The following PTPRM variants were observed in gnomAD, a reference collection of about 807,000 sequenced individuals.
PTPRM encodes protein tyrosine phosphatase receptor type M, also known as receptor-type tyrosine-protein phosphatase mu.
PTPRM carries 47 observed loss-of-function variants against 186.7 expected under a neutral mutation model. The ratio of observed to expected loss-of-function variants is 0.25; its 90% CI spans 0.20 to 0.32. The LOEUF (loss-of-function observed/expected upper bound fraction) is 0.32. Ranked by LOEUF, PTPRM falls within the 10% of genes least tolerant of loss-of-function variation. The pLI, the probability that PTPRM is intolerant of heterozygous loss-of-function variation, is 1.00. For missense variants in PTPRM, 1,494 were observed against 1,865.0 expected (o/e 0.80, Z 3.66); for synonymous variants, 668 against 674.9 (o/e 0.99, Z 0.16).
In PTPRM at chr18:7,770,205, G is replaced by A. The variant is rs1000067460; in HGVS notation, c.74-3944G>A. Among the ~76,000 whole-genome samples, 10 of 152,094 alleles carry A rather than the reference G, an allele frequency of 6.6e-5. No individual in the cohort carries two copies. The South Asian group carries it at 8.3e-4, about 13-fold the overall frequency. On this transcript the variant is annotated intron_variant, in intron 1 of 32. Transcript: ENST00000580170. Reference sequence around the variant, plus strand: ...AAGAAGACTGTATTTTTAGAAATGCGTCCTTTTACTGTGTTTCAGGGGACT... The same window carrying A: ...AAGAAGACTGTATTTTTAGAAATGCATCCTTTTACTGTGTTTCAGGGGACT...
chr18:7,598,782 CTT>C (rs34474506), intron 1 of PTPRM, among the ~76,000 whole-genome samples: 25,549 of 127,614 alleles, frequency 0.2, 4,010 homozygotes, highest in East Asian at 0.45. Flanking sequence ...TTCTGAATTC[CTT>C]TTTTTTTTTT....
chr18:7,650,845 C>T (rs1296743631), intron 1 of PTPRM, among the ~76,000 whole-genome samples: 1 of 151,946 alleles, frequency 6.6e-6, no homozygotes, highest in Non-Finnish European at 1.5e-5. Context: ...TGACCTTACA[C>T]CTTCTACAAA....
intron 9 of PTPRM, among the ~76,000 whole-genome samples, chr18:8,081,691 C>T (rs78767249): frequency 0.023 from 3,433 of 152,104 alleles, 115 homozygotes; most frequent in African/African-American, 0.078. Flanking sequence ...CCCCTGCTGC[C>T]GAGAAGCTTT....
chr18:7,813,570 G>C (rs747899365), intron 2 of PTPRM, among the ~76,000 whole-genome samples: 2 of 152,052 alleles, frequency 1.3e-5, no homozygotes, highest in Non-Finnish European at 2.9e-5. Context: ...TTGGAACTTC[G>C]TGGGCCTTCT....
At chr18:8,221,662 T>G (rs574398221) in intron 14 of PTPRM, among the ~76,000 whole-genome samples, 2 of 152,306 alleles carry the variant, frequency 1.3e-5, no homozygotes, top group South Asian at 4.1e-4. Flanking sequence ...GTGGATGAAG[T>G]CTGGTGCTGA....
Position 7,774,132 on chromosome 18 carries a change from A to T in PTPRM, c.74-17A>T. ...CTGGTTGGTATTTACATTACTTTTT[A>T]TTCTTTTACATTTTAGGTGGCTGCC... On this transcript the variant is annotated splice_polypyrimidine_tract_variant and intron_variant, in intron 1 of 32. Coordinates refer to ENST00000580170, the MANE Select transcript of PTPRM (RefSeq NM_001105244.2). 1.3e-6 allele frequency: 2 copies of T among 1,598,574 alleles called. No homozygotes were observed. The highest frequency in any genetic ancestry group is 1.7e-6 in the Non-Finnish European group (2 of 1,167,210).
chr18:7,960,126 CTGGTTAT>C (rs2053565360), intron 7 of PTPRM, among the ~76,000 whole-genome samples: 1 of 151,932 alleles, frequency 6.6e-6, no homozygotes, highest in Admixed American at 6.6e-5. Flanking sequence ...TTTATGTATT[CTGGTTAT>C]TGGTTATTAA....
intron 2 of PTPRM, among the ~76,000 whole-genome samples, chr18:7,809,447 C>A (rs1214749708): frequency 6.6e-6 from 1 of 152,010 alleles, no homozygotes; most frequent in Non-Finnish European, 1.5e-5. Context: ...TGGGACCGCT[C>A]TTCTCCCCTA....
At chr18:8,158,010 G>A (rs1490165578) in intron 14 of PTPRM, among the ~76,000 whole-genome samples, 4 of 152,186 alleles carry the variant, frequency 2.6e-5, no homozygotes, top group Non-Finnish European at 5.9e-5. Context: ...AAGGCCCTGT[G>A]GCCAGGCACC....
intron 1 of PTPRM, among the ~76,000 whole-genome samples, chr18:7,747,810 G>A (rs1244819459): frequency 1.3e-5 from 2 of 152,248 alleles, no homozygotes; most frequent in East Asian, 1.9e-4. Context: ...CTGAGGTCCC[G>A]AGGGGTTAGG....
chr18:7,763,524 C>T (rs2041878217), intron 1 of PTPRM, among the ~76,000 whole-genome samples: 1 of 152,180 alleles, frequency 6.6e-6, no homozygotes, highest in Non-Finnish European at 1.5e-5. Context: ...ATCCAGGACT[C>T]TCTGTATCTC....
At chr18:7,630,199 G>C (rs1017686601) in intron 1 of PTPRM, among the ~76,000 whole-genome samples, 1 of 152,140 alleles carries the variant, frequency 6.6e-6, no homozygotes. Context: ...TGAAATTGTC[G>C]AGGGAGCAGG....
At chr18:8,311,200 T>C (rs1179153920) in intron 20 of PTPRM, among the ~76,000 whole-genome samples, 1 of 151,586 alleles carries the variant, frequency 6.6e-6, no homozygotes, top group Admixed American at 6.6e-5. Flanking sequence ...TCCCAGCTAC[T>C]CAGGAGGCTG....
intron 11 of PTPRM, among the ~76,000 whole-genome samples, chr18:8,100,077 C>T (rs1318661978): frequency 6.6e-6 from 1 of 152,032 alleles, no homozygotes; most frequent in Non-Finnish European, 1.5e-5. Flanking sequence ...GAAGGCATGT[C>T]ACATGGTGAA....
At chr18:7,819,817 C>T (rs149115160) in intron 2 of PTPRM, among the ~76,000 whole-genome samples, 88 of 152,198 alleles carry the variant, frequency 5.8e-4, no homozygotes, top group Admixed American at 1.8e-3. Flanking sequence ...AGCTGTGGGG[C>T]GCTGAAGAAG....
intron 24 of PTPRM, among the ~76,000 whole-genome samples, chr18:8,374,420 A>G (rs756159239): frequency 1.3e-5 from 2 of 152,142 alleles, no homozygotes; most frequent in African/African-American, 4.8e-5. Context: ...TTCCCAGTTC[A>G]TATATGGGAA....
chr18:7,883,656 GC>G (rs761918346), intron 2 of PTPRM, among the ~76,000 whole-genome samples: 1 of 152,166 alleles, frequency 6.6e-6, no homozygotes, highest in African/African-American at 2.4e-5. Flanking sequence ...AGTCCTGATG[GC>G]CACACACTGA....
intron 2 of PTPRM, among the ~76,000 whole-genome samples, chr18:7,883,179 A>G (rs1179458987): frequency 2.0e-5 from 3 of 152,180 alleles, no homozygotes; most frequent in African/African-American, 7.2e-5. Flanking sequence ...CGGAATTTCT[A>G]TGCTAATTTG....
intron 2 of PTPRM, among the ~76,000 whole-genome samples, chr18:7,860,537 A>C (rs1194475743): frequency 6.6e-6 from 1 of 152,180 alleles, no homozygotes; most frequent in Non-Finnish European, 1.5e-5. Flanking sequence ...AACTTGGGAA[A>C]CCCACCTGCT....
Sources: gnomAD v4.1 joint callset for allele counts (sites outside exome capture counted in the v4.1 genomes callset) on GRCh38, gnomAD v4.1.1 for gene constraint, MANE v1.5 for transcripts, NCBI Gene and HGNC (gene_info 2026-07-23, HGNC 2026-07-21) for gene names.